BPI: variants seen among roughly 807,000 people sequenced by gnomAD.
BPI encodes the protein bactericidal permeability increasing protein.
A neutral mutation model predicts 57.6 loss-of-function variants in BPI; 48 were observed. That is an observed-to-expected ratio of 0.83 (90% confidence interval 0.66 to 1.06). The LOEUF (loss-of-function observed/expected upper bound fraction) is 1.06. BPI is among the 50% of genes least tolerant of loss of function. BPI has a pLI of 0.00. For missense variants in BPI, 651 were observed against 609.7 expected (o/e 1.07, Z -0.71); for synonymous variants, 237 against 238.2 (o/e 0.99, Z 0.05).
intron 9 of BPI, among the ~76,000 whole-genome samples, chr20:38,325,974 G>C (rs941187937): frequency 4.6e-5 from 7 of 152,152 alleles, no homozygotes; most frequent in Non-Finnish European, 7.3e-5. Flanking sequence ...GCGAGGAAAA[G>C]TATCTAACAA....
chr20:38,304,440 C>A, intron 1 of BPI, 87 bp downstream of exon 1: 1 of 1,524,142 alleles, frequency 6.6e-7, no homozygotes, highest in Non-Finnish European at 8.8e-7. Context: ...GATCCAGCAC[C>A]TGGCACACTC....
At position 38,336,715 on chromosome 20, in the gene BPI, T is replaced by C. The variant is rs113700074; in HGVS notation, c.1414-431T>C. On this transcript the variant is annotated intron_variant, in intron 14 of 14. Coordinates refer to ENST00000642449, the MANE Select transcript of BPI (RefSeq NM_001725.3). ...AGAGGAAACACATACCGCATATTCC[T>C]CACATTTTACCAAGTTCGTGTTTTA... Among the ~76,000 whole-genome samples the C allele has an allele frequency of 5.5e-3, 833 of 152,168 alleles. 9 individuals are homozygous for C. The highest frequency in any genetic ancestry group is 0.019 in the African/African-American group (798 of 41,516).
intron 11 of BPI, among the ~76,000 whole-genome samples, chr20:38,328,955 A>G (rs1332682126): frequency 6.6e-6 from 1 of 152,152 alleles, no homozygotes; most frequent in Non-Finnish European, 1.5e-5. Context: ...GCAGTGAGCC[A>G]TGTTCCAGCC....
chr20:38,325,843 TAAGAGA>T (rs2076710002), intron 9 of BPI, among the ~76,000 whole-genome samples: 2 of 152,016 alleles, frequency 1.3e-5, no homozygotes, highest in Non-Finnish European at 2.9e-5. Context: ...GATCAGAGAC[TAAGAGA>T]AAGGGGAAGA....
chr20:38,326,616 A>G (rs191057731), intron 10 of BPI, 184 bp downstream of exon 10: 95 of 599,344 alleles, frequency 1.6e-4, no homozygotes, highest in African/African-American at 1.6e-3. Context: ...TCACCCAGCC[A>G]TTCACTAGTG....
At chr20:38,314,660 GATA>G (rs1350683278) in intron 5 of BPI, among the ~76,000 whole-genome samples, 5 of 145,222 alleles carry the variant, frequency 3.4e-5, no homozygotes, top group African/African-American at 5.1e-5. Context: ...TGGGGATGAT[GATA>G]ATGATGGTGA....
At chr20:38,327,035 T>C (rs1451822955) in intron 10 of BPI, among the ~76,000 whole-genome samples, 1 of 152,224 alleles carries the variant, frequency 6.6e-6, no homozygotes, top group Non-Finnish European at 1.5e-5. Flanking sequence ...GATTTATGCA[T>C]TCATCCCTTT....
At chr20:38,327,435 G>T (rs2076718972) in intron 10 of BPI, among the ~76,000 whole-genome samples, 153 bp from the exon 11 acceptor site, 1 of 152,198 alleles carries the variant, frequency 6.6e-6, no homozygotes, top group Non-Finnish European at 1.5e-5. Context: ...ACAAAGCCAA[G>T]GGAAGTCTCC....
rs776622479 is a variant in BPI at position 38,304,232 on chromosome 20, G to T, written c.9G>T (p.Arg3Ser). ...GGAGGATGAGAGAGAACATGGCCAG[G>T]GGCCCTTGCAACGCGCCGAGATGGG... MA[R>S]GPCNAPRWAS... The change falls in exon 1 of 15, where the codon AGG becomes AGT. Residue 3 changes from arginine (R) to serine (S), a missense_variant. By Grantham distance (110) the Arg-to-Ser change is moderately radical (BLOSUM62 -1). Coordinates refer to ENST00000642449, the MANE Select transcript of BPI (RefSeq NM_001725.3). The T allele has an allele frequency of 6.2e-7, 1 of 1,614,198 alleles. No homozygotes were observed. The highest frequency in any genetic ancestry group is 1.1e-5 in the South Asian group (1 of 91,086).
chr20:38,322,951 A>T (rs2076693955), intron 7 of BPI, among the ~76,000 whole-genome samples: 1 of 152,160 alleles, frequency 6.6e-6, no homozygotes, highest in Admixed American at 6.5e-5. Context: ...CATAATATGG[A>T]GGTTATGTTT....
chr20:38,337,162 G>A lies in BPI; in HGVS notation c.1430G>A (p.Gly477Asp). ...LQPHQNFLLF[G>D]ADVVYK ...TCTCCCTAGAACTTCCTGCTGTTCG[G>A]TGCAGACGTTGTCTATAAATGAAGG... Residue 477 changes from glycine to aspartate, a missense_variant, in exon 15 of 15, where the codon GGT becomes GAT. Gly to Asp is a moderately conservative substitution (Grantham distance 94, BLOSUM62 -1). Transcript: ENST00000642449. 1.3e-6 allele frequency: 2 copies of A among 1,595,272 alleles called. No individual in the cohort carries two copies. Among genetic ancestry groups the A allele is most frequent in the Non-Finnish European group, 1.7e-6 (2 of 1,172,372 alleles).
At chr20:38,327,726 T>A in intron 11 of BPI, 71 bp downstream of exon 11, 2 of 1,534,880 alleles carry the variant, frequency 1.3e-6, no homozygotes, top group South Asian at 2.3e-5. Flanking sequence ...ACAGTGGTCC[T>A]GTGATATACA....
intron 14 of BPI, 27 bp downstream of exon 14, chr20:38,335,701 T>A: frequency 6.2e-7 from 1 of 1,605,318 alleles, no homozygotes; most frequent in Non-Finnish European, 8.5e-7. Flanking sequence ...TTTCCACAAA[T>A]CTCCCCTAAC....
Position 38,335,689 on chromosome 20 carries a change from CT to C in BPI, c.1413+19del. On this transcript the variant is annotated intron_variant, in intron 14 of 14. Transcript: ENST00000642449. ...AGCCTCACCAGGTGAGTCCCGGAGT[CT>C]TTTCCACAAATCTCCCCTAACGATA... The C allele has an allele frequency of 6.2e-7, 1 of 1,611,860 alleles. No individual in the cohort carries two copies. Among genetic ancestry groups the C allele is most frequent in the Non-Finnish European group, 8.5e-7 (1 of 1,177,890 alleles).
chr20:38,332,399 G>T (rs1244259765), intron 12 of BPI, among the ~76,000 whole-genome samples: 1 of 152,164 alleles, frequency 6.6e-6, no homozygotes, highest in Non-Finnish European at 1.5e-5. Flanking sequence ...AAAGATGGTG[G>T]ATTGGAGATA....
intron 14 of BPI, among the ~76,000 whole-genome samples, chr20:38,336,447 G>A (rs900609355): frequency 2.6e-5 from 4 of 151,846 alleles, no homozygotes; most frequent in Non-Finnish European, 5.9e-5. Flanking sequence ...CCACCCTGAG[G>A]CCTCTTAAAC....
intron 9 of BPI, among the ~76,000 whole-genome samples, chr20:38,325,035 GC>G (rs1235711750): frequency 6.6e-6 from 1 of 152,212 alleles, no homozygotes; most frequent in African/African-American, 2.4e-5. Flanking sequence ...GGGAGTAGAT[GC>G]TGGCAGGAGG....
At chr20:38,318,383 C>T in intron 5 of BPI, 30 bp from the exon 6 acceptor site, 2 of 1,596,348 alleles carry the variant, frequency 1.3e-6, no homozygotes, top group South Asian at 1.1e-5. Context: ...ATGGGAAGAC[C>T]TTACTGATTA....
intron 1 of BPI, among the ~76,000 whole-genome samples, chr20:38,306,799 A>G: frequency 6.6e-6 from 1 of 152,184 alleles, no homozygotes; most frequent in Non-Finnish European, 1.5e-5. Context: ...CAGGGGTGAT[A>G]TTTTAGACCA....
Sources: allele counts gnomAD v4.1 joint callset (sites outside exome capture counted in the v4.1 genomes callset), GRCh38; gene constraint gnomAD v4.1.1; transcripts MANE v1.5; gene names NCBI Gene and HGNC (gene_info 2026-07-23, HGNC 2026-07-21).